PNOC: variants seen among roughly 807,000 people sequenced by gnomAD.
PNOC encodes the protein prepronociceptin.
Under a neutral mutation model 15.6 loss-of-function variants are expected in PNOC, and 10 were observed. The ratio of observed to expected loss-of-function variants is 0.64; its 90% CI spans 0.40 to 1.09. The LOEUF is 1.09. Among genes scored for constraint, PNOC ranks in the 50% least tolerant of loss-of-function variants. The pLI is 0.01. For synonymous variants in PNOC, 98 were observed against 88.5 expected (o/e 1.11, Z -0.60); for missense variants, 220 against 223.9 (o/e 0.98, Z 0.11).
chr8:28,339,141 C>T lies in PNOC; in HGVS notation c.228C>T (p.Ala76=). The change falls in exon 3 of 4, where the codon GCC becomes GCT. Residue 76 remains alanine (A), a synonymous_variant. Transcript: ENST00000301908. ...GCTCTTGGCAGCTCAGCCCTGCCGCCCCAGAGCATGTGGCGGCTGCTCTCT... is the reference window on the plus strand; with the variant it reads ...GCTCTTGGCAGCTCAGCCCTGCCGCTCCAGAGCATGTGGCGGCTGCTCTCT... ...ARSSWQLSPA[A]PEHVAAALYQ... is the part of the protein sequence containing the mutation. 2 of 1,613,346 alleles carry T rather than the reference C, an allele frequency of 1.2e-6. No homozygotes were observed.
chr8:28,342,913 C>T (rs1336544657), intron 3 of PNOC, 29 bp from the exon 4 acceptor site: 2 of 941,308 alleles, frequency 2.1e-6, no homozygotes, highest in African/African-American at 3.5e-5. Flanking sequence ...ATCAGGTTTG[C>T]CATTTTTTAA....
intron 3 of PNOC, 49 bp downstream of exon 3, chr8:28,339,540 A>G: frequency 7.2e-7 from 1 of 1,398,292 alleles, no homozygotes; most frequent in Non-Finnish European, 9.4e-7. Context: ...CTCACACACC[A>G]ACTGTCTTAG....
intron 1 of PNOC, among the ~76,000 whole-genome samples, chr8:28,318,136 C>G (rs541808051): frequency 5.9e-5 from 9 of 152,138 alleles, no homozygotes. Context: ...GCTCTCTCAG[C>G]CACCTTCTTT....
rs1455063971 is a variant in PNOC, at chr8:28,339,216, C to T, written c.303C>T (p.Val101=). 4 of 1,612,610 alleles carry T rather than the reference C, an allele frequency of 2.5e-6. No homozygotes were observed. The Admixed American group carries it at 6.7e-5, about 27-fold the overall frequency. Residue 101 remains valine (V), a synonymous_variant, in exon 3 of 4, where the codon GTC becomes GTT. Transcript: ENST00000301908. ...EMQHLRRMPR[V]RSLFQEQEEP... is the part of the protein sequence containing the mutation. ...AGCATCTGCGGCGAATGCCCCGAGTCCGGAGCTTGTTCCAGGAGCAGGAAG... is the reference window on the plus strand; with the variant it reads ...AGCATCTGCGGCGAATGCCCCGAGTTCGGAGCTTGTTCCAGGAGCAGGAAG...
chr8:28,335,623 G>C (rs975618781), intron 2 of PNOC, among the ~76,000 whole-genome samples: 1 of 152,054 alleles, frequency 6.6e-6, no homozygotes, highest in Admixed American at 6.5e-5. Context: ...CGCCTCCCAG[G>C]TTGAAGCGAT....
At chr8:28,330,363 T>TTTA (rs1801301695) in intron 2 of PNOC, among the ~76,000 whole-genome samples, 1 of 71,686 alleles carries the variant, frequency 1.4e-5, no homozygotes, top group African/African-American at 6.4e-5. Context: ...GTATGTGCCC[T>TTTA]TTATTTTATT....
intron 1 of PNOC, among the ~76,000 whole-genome samples, chr8:28,326,552 C>T (rs1006975834): frequency 6.6e-6 from 1 of 151,912 alleles, no homozygotes; most frequent in African/African-American, 2.4e-5. Context: ...GGGAATCTTG[C>T]TAAAAATGTG....
At chr8:28,332,948 C>T (rs897231648) in intron 2 of PNOC, among the ~76,000 whole-genome samples, 1 of 152,204 alleles carries the variant, frequency 6.6e-6, no homozygotes, top group Non-Finnish European at 1.5e-5. Flanking sequence ...AAGACTCTGT[C>T]TCAATCAATC....
chr8:28,319,489 G>C (rs1801112330), intron 1 of PNOC, among the ~76,000 whole-genome samples: 1 of 152,174 alleles, frequency 6.6e-6, no homozygotes, highest in Non-Finnish European at 1.5e-5. Flanking sequence ...GCTTTGAAGA[G>C]GGAGGCAGCA....
intron 1 of PNOC, among the ~76,000 whole-genome samples, chr8:28,322,605 T>C (rs1410209006): frequency 2.6e-5 from 4 of 152,144 alleles, no homozygotes; most frequent in African/African-American, 9.7e-5. Flanking sequence ...ACTTACCCCA[T>C]AGGGTGATGC....
At position 28,339,289 on chromosome 8, in the gene PNOC, C is replaced by T. The variant is rs112673338; in HGVS notation, c.376C>T (p.Leu126=). The change falls in exon 3 of 4, where the codon CTG becomes TTG. Residue 126 remains leucine (L), a synonymous_variant. Transcript: ENST00000301908. ...EEAGEMEQKQ[L]QKRFGGFTGA... ...GGCTGGTGAGATGGAGCAGAAGCAG[C>T]TGCAGAAGAGATTTGGGGGCTTCAC... 2 of 1,611,336 alleles carry T rather than the reference C, an allele frequency of 1.2e-6. No individual in the cohort carries two copies. Among genetic ancestry groups the T allele is most frequent in the African/African-American group, 2.7e-5 (2 of 74,894 alleles).
intron 2 of PNOC, 51 bp from the exon 3 acceptor site, chr8:28,338,989 T>C: frequency 6.8e-7 from 1 of 1,479,688 alleles, no homozygotes; most frequent in Admixed American, 2.1e-5. Flanking sequence ...TCGCCCTGGA[T>C]TAACAGAGGT....
chr8:28,336,420 C>T (rs1481996873), intron 2 of PNOC, among the ~76,000 whole-genome samples: 3 of 152,066 alleles, frequency 2.0e-5, no homozygotes, highest in African/African-American at 7.2e-5. Context: ...AGCACTGGAG[C>T]TTGTCTGGGT....
intron 1 of PNOC, among the ~76,000 whole-genome samples, chr8:28,321,496 A>G (rs7825480): frequency 0.12 from 18,334 of 151,948 alleles, 1,320 homozygotes; most frequent in Middle Eastern, 0.17. Context: ...GGCTTTCCTC[A>G]TGCTGCCCGG....
chr8:28,328,124 A>G (rs1801257413), intron 1 of PNOC, among the ~76,000 whole-genome samples: 1 of 129,934 alleles, frequency 7.7e-6, no homozygotes, highest in African/African-American at 3.0e-5. Flanking sequence ...CTGGTGTGCA[A>G]TGGCACAATC....
chr8:28,319,765 G>A (rs1339933237), intron 1 of PNOC, among the ~76,000 whole-genome samples: 1 of 152,114 alleles, frequency 6.6e-6, no homozygotes, highest in African/African-American at 2.4e-5. Flanking sequence ...TCCGAGTCTG[G>A]GTGGAGCTAC....
At chr8:28,337,569 G>A (rs1279104083) in intron 2 of PNOC, among the ~76,000 whole-genome samples, 3 of 148,798 alleles carry the variant, frequency 2.0e-5, no homozygotes, top group Non-Finnish European at 4.4e-5. Context: ...CAAAGTTCTG[G>A]GATTACGTTT....
chr8:28,328,098 C>T (rs1801256810), intron 1 of PNOC, among the ~76,000 whole-genome samples: 1 of 128,432 alleles, frequency 7.8e-6, no homozygotes, highest in Admixed American at 8.5e-5. Flanking sequence ...GACAGAGTCT[C>T]ACTCTGTCAA....
chr8:28,321,498 G>A (rs1054553991), intron 1 of PNOC, among the ~76,000 whole-genome samples: 6 of 152,030 alleles, frequency 3.9e-5, no homozygotes, highest in African/African-American at 1.5e-4. Context: ...CTTTCCTCAT[G>A]CTGCCCGGAA....
Sources: gnomAD v4.1 joint callset for allele counts (sites outside exome capture counted in the v4.1 genomes callset) on GRCh38, gnomAD v4.1.1 for gene constraint, MANE v1.5 for transcripts, NCBI Gene and HGNC (gene_info 2026-07-23, HGNC 2026-07-21) for gene names.